PARD3B: variants seen among roughly 807,000 people sequenced by gnomAD.
The protein encoded by PARD3B is par-3 family cell polarity regulator beta, also known as partitioning defective 3 homolog B.
PARD3B carries 103 observed loss-of-function variants against 130.2 expected under a neutral mutation model. That is an observed-to-expected ratio of 0.79 (90% CI 0.67 to 0.93). PARD3B has a LOEUF of 0.93. Ranked by LOEUF, PARD3B falls within the 40% of genes least tolerant of loss-of-function variation. The pLI is 0.00. For missense variants in PARD3B, 1,609 were observed against 1,499.2 expected (o/e 1.07, Z -1.21); for synonymous variants, 583 against 553.2 (o/e 1.05, Z -0.76).
chr2:204,911,456 A>G (rs575734099), intron 2 of PARD3B, among the ~76,000 whole-genome samples: 10 of 152,310 alleles, frequency 6.6e-5, no homozygotes, highest in African/African-American at 2.4e-4. Context: ...TTTTTAGTTT[A>G]TATATCATTT....
At chr2:205,063,444 G>A (rs1047936614) in intron 4 of PARD3B, among the ~76,000 whole-genome samples, 1 of 152,024 alleles carries the variant, frequency 6.6e-6, no homozygotes, top group African/African-American at 2.4e-5. Flanking sequence ...AGGACCAAAG[G>A]ATGCAGGTAG....
intron 21 of PARD3B, among the ~76,000 whole-genome samples, chr2:205,538,411 C>G (rs1420404362): frequency 5.3e-5 from 8 of 152,052 alleles, no homozygotes; most frequent in Admixed American, 5.2e-4. Context: ...ATGCCATGCT[C>G]AAGAATTAGA....
intron 2 of PARD3B, among the ~76,000 whole-genome samples, chr2:204,765,815 A>T (rs2041120254): frequency 6.6e-6 from 1 of 152,200 alleles, no homozygotes; most frequent in African/African-American, 2.4e-5. Context: ...AAGATGCCTG[A>T]CAAGGACAGT....
chr2:205,517,883 T>C (rs987109748), intron 21 of PARD3B, among the ~76,000 whole-genome samples: 3 of 152,218 alleles, frequency 2.0e-5, no homozygotes, highest in African/African-American at 4.8e-5. Flanking sequence ...ATCCATCTAA[T>C]TGCAAGTTTT....
At chr2:204,737,290 A>G (rs1574853766) in intron 2 of PARD3B, among the ~76,000 whole-genome samples, 1 of 152,142 alleles carries the variant, frequency 6.6e-6, no homozygotes, top group Non-Finnish European at 1.5e-5. Flanking sequence ...CCATTCTTGC[A>G]GGAGTAGGGT....
chr2:205,316,744 C>A (rs990206481), intron 18 of PARD3B, among the ~76,000 whole-genome samples: 1 of 152,038 alleles, frequency 6.6e-6, no homozygotes, highest in Non-Finnish European at 1.5e-5. Flanking sequence ...GCCTTTTTTT[C>A]AATGAGTGAA....
intron 5 of PARD3B, among the ~76,000 whole-genome samples, chr2:205,110,649 T>TTTTTTTTTTTTTTTTTTG (rs1553615870): frequency 6.8e-6 from 1 of 147,724 alleles, no homozygotes. Context: ...TTGTTTTTTT[T>TTTTTTTTTTTTTTTTTTG]GTAAGTGGCT....
intron 2 of PARD3B, among the ~76,000 whole-genome samples, chr2:204,916,201 A>G (rs963654117): frequency 6.6e-6 from 1 of 152,216 alleles, no homozygotes; most frequent in African/African-American, 2.4e-5. Flanking sequence ...TGTACTTTTC[A>G]TTATTCATGC....
At position 205,591,824 on chromosome 2, in the gene PARD3B, A is replaced by G. The variant is rs546872758; in HGVS notation, c.3261-23632A>G. Among the ~76,000 whole-genome samples the G allele has an allele frequency of 6.6e-6, 1 of 152,324 alleles. No homozygotes were observed. Among genetic ancestry groups the G allele is most frequent in the South Asian group, 2.1e-4 (1 of 4,812 alleles). On this transcript the variant is annotated intron_variant, in intron 22 of 22. Coordinates refer to ENST00000406610, the MANE Select transcript of PARD3B (RefSeq NM_001302769.2). The surrounding 1 kb of genome is among the most constrained non-coding windows in gnomAD (Gnocchi z 4.2). ...AAGGAAGCTGTCCGGTTTGGATAAAAATTCAATGTCCTCACAGGCAGAGGA... is the reference window on the plus strand; with the variant it reads ...AAGGAAGCTGTCCGGTTTGGATAAAGATTCAATGTCCTCACAGGCAGAGGA...
intron 5 of PARD3B, among the ~76,000 whole-genome samples, chr2:205,107,463 G>A (rs926588581): frequency 3.3e-5 from 5 of 152,120 alleles, no homozygotes; most frequent in African/African-American, 9.7e-5. Context: ...ACAGACAACC[G>A]ACTTAGCACA....
chr2:205,042,515 G>A (rs533428706), intron 3 of PARD3B, among the ~76,000 whole-genome samples: 1 of 152,022 alleles, frequency 6.6e-6, no homozygotes, highest in Non-Finnish European at 1.5e-5. Flanking sequence ...ATCTGGTGAG[G>A]ACATAGTCAC....
chr2:205,040,245 A>G (rs191357744), intron 3 of PARD3B, among the ~76,000 whole-genome samples: 1 of 152,330 alleles, frequency 6.6e-6, no homozygotes, highest in East Asian at 1.9e-4. Flanking sequence ...TATAGGCATA[A>G]GCCACCACGC....
At chr2:204,910,538 AAAAG>A (rs2047194994) in intron 2 of PARD3B, among the ~76,000 whole-genome samples, 1 of 152,254 alleles carries the variant, frequency 6.6e-6, no homozygotes, top group East Asian at 1.9e-4. Context: ...AAAAAGAATA[AAAAG>A]TTTGGATGAG....
At chr2:205,480,841 G>A (rs1475780623) in intron 20 of PARD3B, among the ~76,000 whole-genome samples, 1 of 152,164 alleles carries the variant, frequency 6.6e-6, no homozygotes, top group Non-Finnish European at 1.5e-5. Flanking sequence ...GGCTAACCAG[G>A]TAGAGATTGT....
chr2:204,553,910 AG>A (rs201889009), intron 1 of PARD3B, among the ~76,000 whole-genome samples: 1,646 of 151,652 alleles, frequency 0.011, 28 homozygotes, highest in African/African-American at 0.037. Context: ...GAAGGGCATG[AG>A]GGATAAAAGA....
chr2:204,797,326 A>G (rs909242010), intron 2 of PARD3B, among the ~76,000 whole-genome samples: 10 of 152,296 alleles, frequency 6.6e-5, no homozygotes, highest in East Asian at 5.8e-4. Context: ...GACTCGAGGT[A>G]TAACATTTTA....
At chr2:204,546,757 G>A (rs1003103547) in intron 1 of PARD3B, among the ~76,000 whole-genome samples, 2 of 152,204 alleles carry the variant, frequency 1.3e-5, no homozygotes, top group African/African-American at 2.4e-5. Context: ...TACTATGTGT[G>A]TGGGCTGTTG....
At position 205,241,465 on chromosome 2, in the gene PARD3B, G is replaced by A. The variant is rs116019530; in HGVS notation, c.2141-4313G>A. Among the ~76,000 whole-genome samples, 1 of 152,232 alleles carries A rather than the reference G, an allele frequency of 6.6e-6. No homozygotes were observed. The highest frequency in any genetic ancestry group is 1.5e-5 in the Non-Finnish European group (1 of 67,998). On this transcript the variant is annotated intron_variant, in intron 15 of 22. Coordinates refer to ENST00000406610, the MANE Select transcript of PARD3B (RefSeq NM_001302769.2). This position sits in a 1 kb window ranked among gnomAD's most constrained non-coding sequence, Gnocchi z 4.2. The stretch of plus-strand genomic sequence containing the variant: ...CTTCAGAAACCTGAGCATTTCATTG[G>A]TATCTCTTCAATTATTGTAATATCC...
At chr2:205,283,580 T>G (rs551751090) in intron 16 of PARD3B, among the ~76,000 whole-genome samples, 2 of 152,338 alleles carry the variant, frequency 1.3e-5, no homozygotes, top group South Asian at 4.1e-4. Context: ...CTTTTCTTTT[T>G]CTGTGACCTT....
Sources: allele counts gnomAD v4.1 joint callset (sites outside exome capture counted in the v4.1 genomes callset), GRCh38; gene constraint gnomAD v4.1.1; non-coding constraint Gnocchi (gnomAD v3.1); transcripts MANE v1.5; gene names NCBI Gene and HGNC (gene_info 2026-07-23, HGNC 2026-07-21).